Variants in DHX35 observed in about 807,000 individuals in gnomAD.
DHX35 encodes the protein DEAH-box helicase 35, also known as probable ATP-dependent RNA helicase DHX35.
A neutral mutation model predicts 99.6 loss-of-function variants in DHX35; 84 were observed. The ratio of observed to expected loss-of-function variants is 0.84; its 90% CI spans 0.71 to 1.01. The LOEUF is 1.01. Ranked by LOEUF, DHX35 falls within the 50% of genes least tolerant of loss-of-function variation. The pLI, the probability that DHX35 is intolerant of heterozygous loss-of-function variation, is 0.00. For synonymous variants in DHX35, 331 were observed against 316.2 expected, an observed-to-expected ratio of 1.05 and a Z score of -0.50; for missense variants, 852 against 888.5, an observed-to-expected ratio of 0.96 and a Z score of 0.52.
rs548405745 is a variant in DHX35 at position 39,036,639 on chromosome 20, T to C, written c.2068-1860T>C. The stretch of plus-strand genomic sequence containing the variant: ...TACTTGGGAGGCTGAGGCAGGAGAA[T>C]CACTTGAACCTAGGAGGTGGAGGCT... On this transcript the variant is annotated intron_variant, in intron 21 of 21. Coordinates refer to ENST00000252011, the MANE Select transcript of DHX35 (RefSeq NM_021931.4). Among the ~76,000 whole-genome samples the C allele has an allele frequency of 4.2e-4, 57 of 135,362 alleles. 1 individual carries two copies. In the South Asian group the frequency reaches 0.013, roughly 30 times the overall value. The allele number at this position is 135,362 out of a possible 152,430, so 88.8% of individuals were successfully genotyped here. A position where few individuals can be genotyped will look rare whatever the true frequency, so the allele number is the denominator to read the frequency against.
intron 1 of DHX35, chr20:38,962,772 C>T (rs2085854147): frequency 3.5e-6 from 1 of 284,242 alleles, no homozygotes; most frequent in Non-Finnish European, 6.7e-6. Flanking sequence ...GACAATGCTG[C>T]TCGCTGCTGG....
chr20:38,974,780 A>G (rs960272987), intron 3 of DHX35, among the ~76,000 whole-genome samples: 7 of 152,138 alleles, frequency 4.6e-5, no homozygotes, highest in East Asian at 1.9e-4. Context: ...AGGAGATAGA[A>G]TGGCAGCCAG....
intron 14 of DHX35, among the ~76,000 whole-genome samples, chr20:39,015,564 G>GT (rs2086771872): frequency 6.6e-6 from 1 of 152,118 alleles, no homozygotes; most frequent in African/African-American, 2.4e-5. Flanking sequence ...GGGGAGTACT[G>GT]TTTCTTCTGT....
intron 8 of DHX35, among the ~76,000 whole-genome samples, chr20:38,996,378 A>G (rs1206638501): frequency 6.6e-6 from 1 of 152,196 alleles, no homozygotes; most frequent in East Asian, 1.9e-4. Flanking sequence ...ATGAATTTTG[A>G]CTGACTGGGA....
rs186619909 is a variant in DHX35, at chr20:38,994,769, C to T, written c.583-52C>T. The T allele has an allele frequency of 6.6e-4, 949 of 1,433,774 alleles. 9 individuals are homozygous for T. In the African/African-American group the frequency reaches 0.012, roughly 18 times the overall value. 88.8% of individuals were successfully genotyped at this position (1,433,774 alleles called of 1,614,324 possible). ...ATACATTTCAGATATCAAATGATCT[C>T]ATCCATAAGTGTTGCACTATTATCA... On this transcript the variant is annotated intron_variant, in intron 7 of 21. Transcript: ENST00000252011.
At chr20:38,985,675 G>A (rs988661755) in intron 4 of DHX35, among the ~76,000 whole-genome samples, 2 of 152,108 alleles carry the variant, frequency 1.3e-5, no homozygotes, top group Admixed American at 6.6e-5. Flanking sequence ...ACTAAAAGAT[G>A]ACTCAGTTAC....
intron 8 of DHX35, among the ~76,000 whole-genome samples, chr20:39,001,195 AG>A (rs1366133699): frequency 6.6e-6 from 1 of 152,164 alleles, no homozygotes; most frequent in Non-Finnish European, 1.5e-5. Context: ...TCACTACTGT[AG>A]GGCGTGTAAA....
Position 38,983,773 on chromosome 20 carries a change from T to C in DHX35, c.342T>C (p.Val114=). ...CCCAGCCTCGAAGAGTGGCTGCTGT[T>C]ACAGTGAGTTTCTTTTTGTGTTGGA... The part of the protein sequence containing the change: ...GVTQPRRVAA[V]TVAGRVAEER... Residue 114 remains valine (V), a synonymous_variant, in exon 4 of 22, where the codon GTT becomes GTC. Transcript: ENST00000252011. 6.2e-7 allele frequency: 1 copy of C among 1,613,288 alleles called. No homozygotes were observed. The highest frequency in any genetic ancestry group is 8.5e-7 in the Non-Finnish European group (1 of 1,179,428).
chr20:38,971,886 G>A (rs2086002352), intron 2 of DHX35, among the ~76,000 whole-genome samples: 1 of 150,498 alleles, frequency 6.6e-6, no homozygotes, highest in Non-Finnish European at 1.5e-5. Context: ...CATTTAGGCT[G>A]TTTGAATTTT....
intron 18 of DHX35, among the ~76,000 whole-genome samples, chr20:39,026,274 C>T (rs887023539): frequency 7.9e-5 from 12 of 152,134 alleles, no homozygotes; most frequent in African/African-American, 2.9e-4. Flanking sequence ...GTGAGAAAAG[C>T]GTGGCTAAGA....
intron 20 of DHX35, among the ~76,000 whole-genome samples, chr20:39,032,949 G>A (rs570378336): frequency 2.0e-5 from 3 of 152,294 alleles, no homozygotes; most frequent in East Asian, 1.9e-4. Flanking sequence ...ACGCACACTC[G>A]TGTGCAGGAT....
intron 1 of DHX35, among the ~76,000 whole-genome samples, chr20:38,966,849 A>G (rs746026081): frequency 6.6e-6 from 1 of 152,218 alleles, no homozygotes; most frequent in African/African-American, 2.4e-5. Context: ...ATTCTTTGTC[A>G]TTGTTTTCTT....
At chr20:39,003,060 G>T (rs970394292) in intron 10 of DHX35, among the ~76,000 whole-genome samples, 192 bp downstream of exon 10, 1 of 152,306 alleles carries the variant, frequency 6.6e-6, no homozygotes, top group Middle Eastern at 3.4e-3. Context: ...GCCCCTGCCT[G>T]TTCTGTCTGC....
At chr20:39,020,621 C>T (rs2086858258) in intron 15 of DHX35, among the ~76,000 whole-genome samples, 2 of 150,138 alleles carry the variant, frequency 1.3e-5, no homozygotes, top group African/African-American at 4.9e-5. Flanking sequence ...TTGGAACAAC[C>T]ACTTGTTCTC....
rs1464279879 is a variant in DHX35, at chr20:39,035,861, A to G, written c.2067+1544A>G. On this transcript the variant is annotated intron_variant, in intron 21 of 21. Coordinates refer to ENST00000252011, the MANE Select transcript of DHX35 (RefSeq NM_021931.4). ...ATAATATTTAATTTTTATGTAATCAAACAAAAACCATTTCACACCTTTATA... is the reference window on the plus strand; with the variant it reads ...ATAATATTTAATTTTTATGTAATCAGACAAAAACCATTTCACACCTTTATA... 3.9e-5 allele frequency among the ~76,000 whole-genome samples: 6 copies of G among 152,362 alleles called. No homozygotes were observed. In the East Asian group the frequency reaches 1.2e-3, roughly 29 times the overall value.
At chr20:39,019,023 C>T in intron 15 of DHX35, 124 bp downstream of exon 15, 1 of 811,282 alleles carries the variant, frequency 1.2e-6, no homozygotes. Flanking sequence ...ATATCTGTAA[C>T]ATAACATTTA....
At chr20:39,025,546 G>T (rs947996182) in intron 18 of DHX35, among the ~76,000 whole-genome samples, 187 bp downstream of exon 18, 2 of 152,024 alleles carry the variant, frequency 1.3e-5, no homozygotes, top group African/African-American at 4.8e-5. Flanking sequence ...TTCCAAGGAG[G>T]TCTATTTTTC....
At chr20:38,989,349 G>C (rs1280449913) in intron 5 of DHX35, among the ~76,000 whole-genome samples, 1 of 145,954 alleles carries the variant, frequency 6.9e-6, no homozygotes, top group Non-Finnish European at 1.5e-5. Flanking sequence ...CTCCTGACTC[G>C]TGATCCACCT....
chr20:38,997,264 TC>T (rs1337289920), intron 8 of DHX35, among the ~76,000 whole-genome samples: 1 of 151,770 alleles, frequency 6.6e-6, no homozygotes, highest in East Asian at 1.9e-4. Flanking sequence ...AGAGATGGGG[TC>T]TCATCATGTT....
Sources: allele counts gnomAD v4.1 joint callset (sites outside exome capture counted in the v4.1 genomes callset), GRCh38; gene constraint gnomAD v4.1.1; transcripts MANE v1.5; gene names NCBI Gene and HGNC (gene_info 2026-07-23, HGNC 2026-07-21).